Variants in RSRC1 observed in about 807,000 individuals in gnomAD.
The protein encoded by RSRC1 is serine/Arginine-related protein 53.
Under a neutral mutation model 49.1 loss-of-function variants are expected in RSRC1, and 39 were observed. The ratio of observed to expected loss-of-function variants is 0.79; its 90% CI spans 0.61 to 1.04. The LOEUF is 1.04. Among genes scored for constraint, RSRC1 ranks in the 50% least tolerant of loss-of-function variants. The pLI, the probability that RSRC1 is intolerant of heterozygous loss-of-function variation, is 0.00. For synonymous variants in RSRC1, 143 were observed against 130.8 expected (o/e 1.09, Z -0.63); for missense variants, 388 against 402.4 (o/e 0.96, Z 0.31).
chr3:158,530,635 GA>G (rs997677334), intron 7 of RSRC1, among the ~76,000 whole-genome samples: 1 of 151,560 alleles, frequency 6.6e-6, no homozygotes, highest in Non-Finnish European at 1.5e-5. Context: ...ATGTGGGGGG[GA>G]AATCTCTCAA....
intron 4 of RSRC1, among the ~76,000 whole-genome samples, chr3:158,266,607 CTTGT>C (rs1725194707): frequency 6.6e-6 from 1 of 152,224 alleles, no homozygotes; most frequent in Admixed American, 6.5e-5. Context: ...GCTGTATCAC[CTTGT>C]TTTATTTTTA....
chr3:158,379,788 A>C (rs1436114962), intron 6 of RSRC1, among the ~76,000 whole-genome samples: 2 of 150,414 alleles, frequency 1.3e-5, no homozygotes, highest in South Asian at 4.2e-4. Flanking sequence ...CCTCCCCCCT[A>C]CACATACATA....
chr3:158,148,852 C>T (rs1035900504), intron 3 of RSRC1, among the ~76,000 whole-genome samples: 2 of 151,154 alleles, frequency 1.3e-5, no homozygotes, highest in African/African-American at 2.4e-5. Context: ...GGCGCGATCT[C>T]GGCTCACTGC....
At chr3:158,284,300 C>G (rs184786900) in intron 4 of RSRC1, among the ~76,000 whole-genome samples, 19 of 151,862 alleles carry the variant, frequency 1.3e-4, no homozygotes, top group African/African-American at 4.6e-4. Context: ...CATTGTTGGA[C>G]AGTTGGACTG....
At chr3:158,459,381 A>G (rs1193502272) in intron 6 of RSRC1, among the ~76,000 whole-genome samples, 1 of 152,168 alleles carries the variant, frequency 6.6e-6, no homozygotes, top group Non-Finnish European at 1.5e-5. Context: ...TAAGCAATCC[A>G]TCTTACGTTG....
chr3:158,439,582 G>A (rs952881107), intron 6 of RSRC1, among the ~76,000 whole-genome samples: 1 of 151,946 alleles, frequency 6.6e-6, no homozygotes, highest in Non-Finnish European at 1.5e-5. Flanking sequence ...CCAAACACCT[G>A]ATGTTCTCAC....
chr3:158,201,883 A>C (rs1721067546), intron 3 of RSRC1, among the ~76,000 whole-genome samples: 1 of 152,016 alleles, frequency 6.6e-6, no homozygotes, highest in South Asian at 2.1e-4. Context: ...TATATCTAGG[A>C]ATTTTGAGTT....
chr3:158,146,376 A>G (rs1369785013), intron 3 of RSRC1, among the ~76,000 whole-genome samples: 9 of 152,230 alleles, frequency 5.9e-5, no homozygotes, highest in South Asian at 2.1e-4. Context: ...TTCTGCATCT[A>G]TTGAGATAAT....
intron 2 of RSRC1, 84 bp from the exon 3 acceptor site, chr3:158,123,782 A>AT: frequency 7.8e-7 from 1 of 1,283,000 alleles, no homozygotes; most frequent in Non-Finnish European, 1.1e-6. Context: ...AAATCAGATG[A>AT]TTCTTTAGAA....
At chr3:158,314,603 G>A (rs1157543081) in intron 5 of RSRC1, among the ~76,000 whole-genome samples, 1 of 152,072 alleles carries the variant, frequency 6.6e-6, no homozygotes, top group African/African-American at 2.4e-5. Context: ...GTGCTTTCTA[G>A]ATAGACAAAG....
chr3:158,485,559 A>G (rs545226680), intron 7 of RSRC1, among the ~76,000 whole-genome samples: 64 of 152,142 alleles, frequency 4.2e-4, no homozygotes, highest in Non-Finnish European at 7.9e-4. Context: ...TGCACTTGAC[A>G]TTCAGGAATC....
chr3:158,257,636 C>T (rs1382179403), intron 4 of RSRC1, among the ~76,000 whole-genome samples: 1 of 152,074 alleles, frequency 6.6e-6, no homozygotes, highest in Non-Finnish European at 1.5e-5. Flanking sequence ...AATTTACATT[C>T]AGGGTTTTTA....
At chr3:158,510,893 G>C (rs567747219) in intron 7 of RSRC1, among the ~76,000 whole-genome samples, 1 of 152,130 alleles carries the variant, frequency 6.6e-6, no homozygotes, top group Admixed American at 6.5e-5. Flanking sequence ...TCATTAAATA[G>C]ATTAAGTAAA....
chr3:158,421,969 T>A (rs1735086049), intron 6 of RSRC1, among the ~76,000 whole-genome samples: 1 of 151,856 alleles, frequency 6.6e-6, no homozygotes, highest in African/African-American at 2.4e-5. Context: ...CCTACCCTCA[T>A]AATAGAAGCT....
chr3:158,113,371 C>CT (rs34005788), intron 1 of RSRC1, among the ~76,000 whole-genome samples: 92,255 of 138,508 alleles, frequency 0.67, 31,196 homozygotes, highest in East Asian at 0.81. Flanking sequence ...TGTTTTTTGA[C>CT]TTTTTTTTTT....
intron 4 of RSRC1, among the ~76,000 whole-genome samples, chr3:158,243,070 A>G (rs1723682958): frequency 6.6e-6 from 1 of 151,990 alleles, no homozygotes. Flanking sequence ...CCCTATGTCA[A>G]TTTTTGCTTT....
At chr3:158,224,851 T>G (rs921377775) in intron 4 of RSRC1, among the ~76,000 whole-genome samples, 4 of 151,870 alleles carry the variant, frequency 2.6e-5, no homozygotes, top group Non-Finnish European at 4.4e-5. Flanking sequence ...TAAATTTATT[T>G]TGAGAGAAGA....
At chr3:158,321,905 C>A (rs1728784426) in intron 5 of RSRC1, among the ~76,000 whole-genome samples, 1 of 151,464 alleles carries the variant, frequency 6.6e-6, no homozygotes, top group Admixed American at 6.6e-5. Context: ...AAACTTAATG[C>A]AATATTAGTT....
chr3:158,410,759 A>G (rs1734420551), intron 6 of RSRC1, among the ~76,000 whole-genome samples: 1 of 152,116 alleles, frequency 6.6e-6, no homozygotes, highest in Non-Finnish European at 1.5e-5. Context: ...AATATGAACT[A>G]TAACTCAGAG....
Sources: allele counts gnomAD v4.1 joint callset (sites outside exome capture counted in the v4.1 genomes callset), GRCh38; gene constraint gnomAD v4.1.1; transcripts MANE v1.5; gene names NCBI Gene and HGNC (gene_info 2026-07-23, HGNC 2026-07-21).